The following CADM2 variants were observed in gnomAD, a reference collection of about 807,000 sequenced individuals.
CADM2 encodes immunoglobulin superfamily member 4D.
Under a neutral mutation model 49.8 loss-of-function variants are expected in CADM2, and 12 were observed. The observed-to-expected ratio is 0.24, with a 90% confidence interval of 0.15 to 0.39. The LOEUF is 0.39. CADM2 is among the 10% of genes least tolerant of loss of function. The pLI is 1.00. For missense variants in CADM2, 378 were observed against 492.3 expected (o/e 0.77, Z 2.20); for synonymous variants, 214 against 175.4 (o/e 1.22, Z -1.74).
intron 1 of CADM2, among the ~76,000 whole-genome samples, chr3:85,630,324 T>G (rs1018278559): frequency 5.3e-5 from 8 of 151,958 alleles, no homozygotes; most frequent in African/African-American, 1.9e-4. Flanking sequence ...TCATGTATCT[T>G]GTTGCACAGG....
At chr3:85,130,873 A>G (rs1305014760) in intron 1 of CADM2, among the ~76,000 whole-genome samples, 1 of 152,216 alleles carries the variant, frequency 6.6e-6, no homozygotes, top group African/African-American at 2.4e-5. Context: ...AGTTGCTAGA[A>G]TTTATAGCTA....
At chr3:85,977,768 C>G (rs1726974357) in intron 8 of CADM2, among the ~76,000 whole-genome samples, 1 of 151,520 alleles carries the variant, frequency 6.6e-6, no homozygotes, top group Non-Finnish European at 1.5e-5. Context: ...TAATGCAGCA[C>G]CACTGAGTTT....
intron 1 of CADM2, among the ~76,000 whole-genome samples, chr3:85,011,003 A>T (rs1465927613): frequency 6.6e-6 from 1 of 151,322 alleles, no homozygotes; most frequent in Non-Finnish European, 1.5e-5. Flanking sequence ...AGCTGGGACT[A>T]CAGGCGCCTG....
intron 1 of CADM2, among the ~76,000 whole-genome samples, chr3:85,598,483 G>A (rs919104191): frequency 6.6e-6 from 1 of 151,760 alleles, no homozygotes; most frequent in African/African-American, 2.4e-5. Context: ...TTGTTTCATT[G>A]TAAAGTCTGT....
intron 1 of CADM2, among the ~76,000 whole-genome samples, chr3:85,052,950 G>A (rs1029893799): frequency 3.3e-5 from 5 of 151,962 alleles, no homozygotes; most frequent in African/African-American, 1.2e-4. Flanking sequence ...CTTTGGCACA[G>A]TTTAGAATAG....
chr3:86,058,332 C>CT lies in CADM2; in HGVS notation c.971-7263dup, dbSNP rs35319659. On this transcript the variant is annotated intron_variant, in intron 8 of 9. Transcript: ENST00000383699. ...ATGGCAGCTTATACGTTCCAACTCT[C>CT]TTTTTTTTTTCCTCATAAAACTAAC... 2.8e-3 allele frequency among the ~76,000 whole-genome samples: 415 copies of CT among 149,990 alleles called. 1 individual carries two copies. Among genetic ancestry groups the CT allele is most frequent in the African/African-American group, 9.0e-3 (370 of 40,972 alleles).
chr3:85,442,619 T>TAC (rs1277027341), intron 1 of CADM2, among the ~76,000 whole-genome samples: 1 of 118,392 alleles, frequency 8.4e-6, no homozygotes. Flanking sequence ...TATATATATA[T>TAC]ATATATATAT....
chr3:85,338,060 A>C (rs1283576940), intron 1 of CADM2, among the ~76,000 whole-genome samples: 1 of 151,662 alleles, frequency 6.6e-6, no homozygotes, highest in Admixed American at 6.6e-5. Flanking sequence ...ATCTGGAAAG[A>C]TCTATTAACA....
At chr3:85,772,090 A>G (rs1318932959) in intron 2 of CADM2, among the ~76,000 whole-genome samples, 1 of 150,550 alleles carries the variant, frequency 6.6e-6, no homozygotes, top group Non-Finnish European at 1.5e-5. Context: ...TTGGAAGCAA[A>G]TGAAAATATC....
chr3:85,897,380 C>G (rs1197269137), intron 5 of CADM2, among the ~76,000 whole-genome samples: 1 of 148,270 alleles, frequency 6.7e-6, no homozygotes, highest in South Asian at 2.1e-4. Flanking sequence ...CGCCATTCTC[C>G]TGCCTCAGCC....
chr3:85,652,326 C>T (rs1231055204), intron 1 of CADM2, among the ~76,000 whole-genome samples: 1 of 152,100 alleles, frequency 6.6e-6, no homozygotes, highest in Non-Finnish European at 1.5e-5. Context: ...TGCATCATAA[C>T]AAATTACCCC....
chr3:85,307,125 A>C (rs2044231771), intron 1 of CADM2, among the ~76,000 whole-genome samples: 1 of 151,586 alleles, frequency 6.6e-6, no homozygotes, highest in Non-Finnish European at 1.5e-5. Context: ...TGTTGCAAAA[A>C]ATACTTCAAA....
chr3:85,454,215 T>C (rs1016200186), intron 1 of CADM2, among the ~76,000 whole-genome samples: 4 of 151,608 alleles, frequency 2.6e-5, no homozygotes, highest in African/African-American at 9.7e-5. Context: ...ATTAGCCAGG[T>C]GTGGTGGCAG....
At chr3:85,812,361 A>T (rs2072932708) in intron 3 of CADM2, among the ~76,000 whole-genome samples, 1 of 152,118 alleles carries the variant, frequency 6.6e-6, no homozygotes, top group Admixed American at 6.6e-5. Flanking sequence ...TAAAGTAATT[A>T]TAACTGAACT....
chr3:85,571,603 A>C (rs1215522234), intron 1 of CADM2, among the ~76,000 whole-genome samples: 1 of 152,214 alleles, frequency 6.6e-6, no homozygotes, highest in Non-Finnish European at 1.5e-5. Flanking sequence ...GTATATTTGT[A>C]TATGTCCCAT....
intron 8 of CADM2, among the ~76,000 whole-genome samples, chr3:86,011,546 G>C (rs1477232317): frequency 6.6e-6 from 1 of 152,028 alleles, no homozygotes; most frequent in African/African-American, 2.4e-5. Context: ...GAATTGGGGC[G>C]ATAAGAAAAA....
intron 8 of CADM2, among the ~76,000 whole-genome samples, chr3:85,986,462 T>G (rs1728129526): frequency 6.6e-6 from 1 of 152,098 alleles, no homozygotes; most frequent in Non-Finnish European, 1.5e-5. Context: ...TAAAAATCTT[T>G]TTTGTTTTAT....
intron 1 of CADM2, among the ~76,000 whole-genome samples, chr3:85,053,056 T>C (rs1031333233): frequency 2.6e-5 from 4 of 152,094 alleles, no homozygotes; most frequent in African/African-American, 9.6e-5. Context: ...AGAAGACAAA[T>C]ACCAGTATCA....
At chr3:85,003,397 G>C (rs2033569404) in intron 1 of CADM2, among the ~76,000 whole-genome samples, 1 of 152,020 alleles carries the variant, frequency 6.6e-6, no homozygotes, top group African/African-American at 2.4e-5. Flanking sequence ...ATATTTTTAG[G>C]ACTAGAAATT....
Sources: allele counts gnomAD v4.1 joint callset (sites outside exome capture counted in the v4.1 genomes callset), GRCh38; gene constraint gnomAD v4.1.1; transcripts MANE v1.5; gene names NCBI Gene and HGNC (gene_info 2026-07-23, HGNC 2026-07-21).